The following TRIO variants were observed in gnomAD, a reference collection of about 807,000 sequenced individuals.
TRIO encodes the protein trio Rho guanine nucleotide exchange factor.
TRIO carries 58 observed loss-of-function variants against 351.9 expected under a neutral mutation model. The observed-to-expected ratio is 0.16, with a 90% CI of 0.13 to 0.21. The LOEUF (loss-of-function observed/expected upper bound fraction) is 0.21. Among genes scored for constraint, TRIO ranks in the 10% least tolerant of loss-of-function variants. The probability of loss-of-function intolerance (pLI) is 1.00; values close to 1 mark genes in which losing one functional copy is unlikely to be tolerated. For synonymous variants in TRIO, 1,758 were observed against 1,595.7 expected (o/e 1.10, Z -2.42); for missense variants, 3,201 against 4,027.8 (o/e 0.79, Z 5.56).
intron 34 of TRIO, among the ~76,000 whole-genome samples, chr5:14,438,244 A>C (rs1751753781): frequency 6.6e-6 from 1 of 152,020 alleles, no homozygotes; most frequent in South Asian, 2.1e-4. Flanking sequence ...TCTGCACTAA[A>C]CCTGTCTCAC....
chr5:14,496,088 C>T (rs1033723735), intron 49 of TRIO, among the ~76,000 whole-genome samples: 2 of 152,104 alleles, frequency 1.3e-5, no homozygotes, highest in African/African-American at 2.4e-5. Context: ...ACTGATGGTG[C>T]GGATGATAGC....
intron 11 of TRIO, among the ~76,000 whole-genome samples, chr5:14,342,790 C>G (rs1244088232): frequency 1.3e-5 from 2 of 152,226 alleles, no homozygotes; most frequent in African/African-American, 4.8e-5. Flanking sequence ...CATATACACA[C>G]ATGCTTCTTA....
In TRIO at chr5:14,291,028, A is replaced by G; in HGVS notation, c.853A>G (p.Arg285Gly). 1 of 1,614,246 alleles carries G rather than the reference A, an allele frequency of 6.2e-7. No homozygotes were observed. The highest frequency in any genetic ancestry group is 1.1e-5 in the South Asian group (1 of 91,090). The change falls in exon 5 of 57, where the codon AGG (arginine) becomes GGG (glycine). Residue 285 changes from arginine (R) to glycine (G), a missense_variant. Transcript: ENST00000344204. ...TTTGGAGGGACAGAAGCTGCTTCAG[A>G]GGATACAGAGCAGTGAAAGCTTTCC... ...LDLEGQKLLQ[R>G]IQSSESFPKK... is the part of the protein sequence containing the mutation.
chr5:14,420,087 G>T, intron 34 of TRIO, 66 bp downstream of exon 34: 1 of 1,568,416 alleles, frequency 6.4e-7, no homozygotes, highest in East Asian at 2.3e-5. Flanking sequence ...CTCTGTCTCC[G>T]CGCCTCTCCT....
At chr5:14,300,946 A>G (rs1007869021) in intron 7 of TRIO, among the ~76,000 whole-genome samples, 3 of 152,214 alleles carry the variant, frequency 2.0e-5, no homozygotes, top group Non-Finnish European at 4.4e-5. Context: ...AGTCCAGCTT[A>G]GTGCCTGTGC....
intron 23 of TRIO, 23 bp downstream of exon 23, chr5:14,387,870 A>T (rs1355663657): frequency 6.2e-7 from 1 of 1,608,174 alleles, no homozygotes; most frequent in Non-Finnish European, 8.5e-7. Flanking sequence ...TTCAGAATCT[A>T]CCAGGATTCA....
At chr5:14,503,276 T>TC (rs1757422013) in intron 54 of TRIO, among the ~76,000 whole-genome samples, 2 of 152,204 alleles carry the variant, frequency 1.3e-5, no homozygotes, top group South Asian at 2.1e-4. Flanking sequence ...TGGTAAGAAC[T>TC]CCCCCAGAAA....
At chr5:14,367,459 T>C (rs16903421) in intron 16 of TRIO, among the ~76,000 whole-genome samples, 14,529 of 152,230 alleles carry the variant, frequency 0.095, 1,066 homozygotes, top group African/African-American at 0.21. Context: ...CAGTAAACGA[T>C]GCCGACAGCA....
chr5:14,458,487 A>G (rs1358421972), intron 34 of TRIO, among the ~76,000 whole-genome samples: 3 of 152,154 alleles, frequency 2.0e-5, no homozygotes, highest in African/African-American at 7.2e-5. Context: ...GCCCCTTCTC[A>G]ACCCTAACAG....
chr5:14,448,547 G>T (rs763796534), intron 34 of TRIO, among the ~76,000 whole-genome samples: 2 of 152,230 alleles, frequency 1.3e-5, no homozygotes, highest in African/African-American at 2.4e-5. Context: ...ATTGGGGCTC[G>T]ATGCGGGCAG....
chr5:14,171,801 T>TA (rs1247768455), intron 1 of TRIO, among the ~76,000 whole-genome samples: 2 of 152,036 alleles, frequency 1.3e-5, no homozygotes, highest in Non-Finnish European at 2.9e-5. Flanking sequence ...TGGTCGGTGG[T>TA]TAGTAGATAT....
At chr5:14,162,287 A>G (rs1018633025) in intron 1 of TRIO, among the ~76,000 whole-genome samples, 1 of 152,226 alleles carries the variant, frequency 6.6e-6, no homozygotes, top group Non-Finnish European at 1.5e-5. Flanking sequence ...TGGCCCTTCA[A>G]ACTCTCATTT....
chr5:14,349,285 C>T (rs1182991817), intron 11 of TRIO, among the ~76,000 whole-genome samples: 15 of 144,812 alleles, frequency 1.0e-4, no homozygotes, highest in African/African-American at 3.5e-4. Flanking sequence ...TATGTGTGTA[C>T]GCACGTGAGC....
intron 16 of TRIO, among the ~76,000 whole-genome samples, chr5:14,368,318 C>T (rs1744779261): frequency 6.6e-6 from 1 of 152,184 alleles, no homozygotes; most frequent in Non-Finnish European, 1.5e-5. Context: ...CTCTGGCCAC[C>T]TTTTCTCTGC....
intron 9 of TRIO, among the ~76,000 whole-genome samples, chr5:14,318,508 C>T (rs902939228): frequency 3.3e-5 from 5 of 150,502 alleles, no homozygotes; most frequent in East Asian, 1.9e-4. Context: ...TTTCATATAC[C>T]GTGCTTTGAT....
intron 11 of TRIO, among the ~76,000 whole-genome samples, chr5:14,346,602 T>C (rs971822011): frequency 2.0e-5 from 3 of 152,212 alleles, no homozygotes; most frequent in African/African-American, 7.2e-5. Flanking sequence ...TAGAGACAAT[T>C]TTTAAACCGC....
chr5:14,494,444 T>C (rs1411480806), intron 49 of TRIO, among the ~76,000 whole-genome samples: 1 of 152,164 alleles, frequency 6.6e-6, no homozygotes, highest in Admixed American at 6.5e-5. Flanking sequence ...AAACAAAAAT[T>C]CTTTCAAAAT....
intron 46 of TRIO, 25 bp from the exon 47 acceptor site, chr5:14,485,044 T>G (rs778069985): frequency 9.9e-5 from 151 of 1,525,326 alleles, no homozygotes; most frequent in Non-Finnish European, 1.2e-4. Flanking sequence ...TTAGCTATTA[T>G]GAATAATGTT....
rs1181168211 is a variant in TRIO, at chr5:14,457,558, T to C, written c.5204-3461T>C. ...AAGCTGGGGAATGACGTATTTAATT[T>C]CCTTTTCTTCTTGAACCATTTTTAC... On this transcript the variant is annotated intron_variant, in intron 34 of 56. Coordinates refer to ENST00000344204, the MANE Select transcript of TRIO (RefSeq NM_007118.4). 3.3e-5 allele frequency among the ~76,000 whole-genome samples: 5 copies of C among 152,086 alleles called. No homozygotes were observed. In the East Asian group the frequency reaches 9.6e-4, roughly 29 times the overall value.
Sources: allele counts gnomAD v4.1 joint callset (sites outside exome capture counted in the v4.1 genomes callset), GRCh38; gene constraint gnomAD v4.1.1; transcripts MANE v1.5; gene names NCBI Gene and HGNC (gene_info 2026-07-23, HGNC 2026-07-21).